The following LMF1 variants were observed in gnomAD, a reference collection of about 807,000 sequenced individuals.
The protein encoded by LMF1 is lipase maturation factor 1.
LMF1 carries 68 observed loss-of-function variants against 60.6 expected under a neutral mutation model. The ratio of observed to expected loss-of-function variants is 1.12; its 90% CI spans 0.92 to 1.37. The LOEUF is 1.37. Ranked by LOEUF, LMF1 falls within the 40% of genes most tolerant of loss-of-function variation. LMF1 has a pLI of 0.00. For synonymous variants in LMF1, 418 were observed against 324.7 expected (o/e 1.29, Z -3.09); for missense variants, 948 against 767.2 (o/e 1.24, Z -2.78).
At chr16:980,890 AG>A (rs1484758730) in intron 1 of LMF1, 1 of 151,768 alleles carries the variant, frequency 6.6e-6, no homozygotes, top group Admixed American at 6.6e-5. Context: ...GCCCCGCCGG[AG>A]GGGCCTCCCC....
chr16:875,003 C>T (rs1436053671), intron 6 of LMF1, among the ~76,000 whole-genome samples: 2 of 152,188 alleles, frequency 1.3e-5, no homozygotes, highest in South Asian at 4.1e-4. Context: ...CCGGGACTGC[C>T]GGCCGACCAT....
chr16:935,060 A>G (rs1240841491), intron 2 of LMF1, among the ~76,000 whole-genome samples: 1 of 152,186 alleles, frequency 6.6e-6, no homozygotes, highest in Non-Finnish European at 1.5e-5. Context: ...GCCGGTCCAC[A>G]GACACAGGAG....
chr16:914,525 A>T (rs1272658125), intron 3 of LMF1, among the ~76,000 whole-genome samples: 1 of 150,134 alleles, frequency 6.7e-6, no homozygotes, highest in South Asian at 2.1e-4. Context: ...ACCATTGGTG[A>T]CACACTCCCT....
chr16:972,668 C>T (rs564889618), upstream of LMF1, among the ~76,000 whole-genome samples: 2 of 152,340 alleles, frequency 1.3e-5, no homozygotes, highest in South Asian at 4.1e-4. Context: ...TCAGGTGGGG[C>T]TGCCCTCACA....
intron 10 of LMF1, chr16:855,445 TGGCTGGCAAG>T (rs1339672499): frequency 2.8e-6 from 1 of 354,986 alleles, no homozygotes; most frequent in Non-Finnish European, 5.5e-6. Flanking sequence ...TCTTGGTCCC[TGGCTGGCAAG>T]CCCTCACTGG....
intron 6 of LMF1, chr16:873,597 ACCCTCCGCCG>A (rs2151705296): frequency 5.2e-5 from 2 of 38,800 alleles, no homozygotes; most frequent in Admixed American, 4.2e-4. Context: ...GCTCACAGGG[ACCCTCCGCCG>A]AGGACATGCC....
intron 4 of LMF1, chr16:893,311 G>A (rs753095540): frequency 8.2e-6 from 5 of 608,560 alleles, no homozygotes; most frequent in East Asian, 6.5e-5. Context: ...GAGCAACAGT[G>A]GCTTCCTTTG....
intron 2 of LMF1, among the ~76,000 whole-genome samples, chr16:935,637 C>G (rs953549613): frequency 6.6e-6 from 1 of 151,704 alleles, no homozygotes; most frequent in Admixed American, 6.6e-5. Flanking sequence ...CATTCAAAGC[C>G]ATCCTGAGCC....
At chr16:866,266 A>T (rs935963418) in intron 10 of LMF1, among the ~76,000 whole-genome samples, 1 of 152,176 alleles carries the variant, frequency 6.6e-6, no homozygotes, top group Non-Finnish European at 1.5e-5. Context: ...GCTGGTAGAG[A>T]CAGGGGTATT....
intron 2 of LMF1, chr16:954,118 G>T: frequency 1.6e-6 from 1 of 636,674 alleles, no homozygotes; most frequent in South Asian, 1.5e-5. Context: ...AGCTGGCAAC[G>T]CAGTCCTTTA....
chr16:890,381 G>A (rs1293044646), intron 5 of LMF1, among the ~76,000 whole-genome samples: 2 of 152,166 alleles, frequency 1.3e-5, no homozygotes, highest in Non-Finnish European at 2.9e-5. Flanking sequence ...TTTGAAATGC[G>A]ATTCCCCAAG....
chr16:969,629 C>T (rs2072998891), intron 1 of LMF1, among the ~76,000 whole-genome samples: 1 of 152,248 alleles, frequency 6.6e-6, no homozygotes, highest in Admixed American at 6.5e-5. Flanking sequence ...GAAAGGGAGA[C>T]GTCCAATGCC....
At chr16:930,567 C>T (rs2071750787) in intron 3 of LMF1, among the ~76,000 whole-genome samples, 1 of 152,140 alleles carries the variant, frequency 6.6e-6, no homozygotes, top group South Asian at 2.1e-4. Context: ...AGAAAAGAAA[C>T]GTAAACATTC....
At chr16:862,180 T>G (rs1462021312) in intron 10 of LMF1, among the ~76,000 whole-genome samples, 2 of 151,016 alleles carry the variant, frequency 1.3e-5, no homozygotes, top group Non-Finnish European at 3.0e-5. Context: ...TTTAGTAATT[T>G]TTTTTTTTTT....
chr16:951,433 G>C (rs2072465320), intron 2 of LMF1, among the ~76,000 whole-genome samples: 1 of 152,222 alleles, frequency 6.6e-6, no homozygotes, highest in African/African-American at 2.4e-5. Flanking sequence ...CTGTGCTCAG[G>C]GCTCCAGCGT....
intron 3 of LMF1, among the ~76,000 whole-genome samples, chr16:914,647 C>T: frequency 1.2e-5 from 1 of 83,374 alleles, no homozygotes; most frequent in Non-Finnish European, 2.5e-5. Flanking sequence ...CTCCCTCCCT[C>T]CTCATGACCA....
At chr16:936,942 C>CTA (rs2071963872) in intron 2 of LMF1, among the ~76,000 whole-genome samples, 2 of 152,146 alleles carry the variant, frequency 1.3e-5, no homozygotes, top group South Asian at 4.1e-4. Flanking sequence ...TGCACTCCAG[C>CTA]CTGGGCGACA....
chr16:882,373 T>G (rs537057293), intron 5 of LMF1, among the ~76,000 whole-genome samples: 21 of 152,348 alleles, frequency 1.4e-4, no homozygotes, highest in African/African-American at 4.8e-4. Flanking sequence ...TGTTCTGAAC[T>G]TTCAAGCTCA....
chr16:875,639 G>A (rs759938300), intron 6 of LMF1, among the ~76,000 whole-genome samples: 1 of 152,158 alleles, frequency 6.6e-6, no homozygotes, highest in Non-Finnish European at 1.5e-5. Flanking sequence ...GGCCATGGAA[G>A]CGGGAGGTGG....
Sources: allele counts gnomAD v4.1 joint callset (sites outside exome capture counted in the v4.1 genomes callset), GRCh38; gene constraint gnomAD v4.1.1; transcripts MANE v1.5; gene names NCBI Gene and HGNC (gene_info 2026-07-23, HGNC 2026-07-21).